Variants in ANK3 observed in about 807,000 individuals in gnomAD.
ANK3 encodes the protein ankyrin 3, also known as ankyrin-3.
In ANK3, 57 loss-of-function variants were observed where a neutral mutation model predicts 370.9. The observed-to-expected ratio is 0.15, with a 90% CI of 0.12 to 0.19. The LOEUF is 0.19. ANK3 is among the 10% of genes least tolerant of loss of function. The probability of loss-of-function intolerance (pLI) is 1.00; values close to 1 mark genes in which losing one functional copy is unlikely to be tolerated. For synonymous variants in ANK3, 1,929 were observed against 1,946.3 expected (o/e 0.99, Z 0.23); for missense variants, 4,439 against 5,302.1 (o/e 0.84, Z 5.06).
chr10:60,083,384 A>T, intron 33 of ANK3, 108 bp downstream of exon 33: 1 of 1,227,512 alleles, frequency 8.1e-7, no homozygotes, highest in Non-Finnish European at 1.1e-6. Context: ...ATGAGTTCAG[A>T]TTTGACGGGG....
At chr10:60,507,677 A>C (rs2075975470) in intron 2 of ANK3, 1 of 152,068 alleles carries the variant, frequency 6.6e-6, no homozygotes, top group African/African-American at 2.4e-5. Context: ...AATGTAAAGA[A>C]ATAGCCAACT....
In ANK3 at chr10:60,732,903, G is replaced by A. The variant is rs576181561; in HGVS notation, c.57+360C>T. Among the ~76,000 whole-genome samples the A allele has an allele frequency of 2.5e-3, 387 of 151,960 alleles. 2 individuals are homozygous for A. The highest frequency in any genetic ancestry group is 8.8e-3 in the African/African-American group (366 of 41,448). On this transcript the variant is annotated intron_variant, in intron 1 of 43. Coordinates refer to the ANK3 transcript ENST00000373827. Reference sequence around the variant, plus strand: ...GCCAAGAGCAGAGAAGCCCCAAGACGAGAGACCGAGGTGAGGGCGTCCTGA... The same window carrying A: ...GCCAAGAGCAGAGAAGCCCCAAGACAAGAGACCGAGGTGAGGGCGTCCTGA...
At chr10:60,495,777 G>A (rs1433691263) in intron 2 of ANK3, among the ~76,000 whole-genome samples, 4 of 151,908 alleles carry the variant, frequency 2.6e-5, no homozygotes, top group Non-Finnish European at 5.9e-5. Flanking sequence ...ATATTAAGTG[G>A]GGCAAAGAGA....
intron 29 of ANK3, among the ~76,000 whole-genome samples, chr10:60,087,167 A>T (rs990555403): frequency 6.6e-6 from 1 of 152,166 alleles, no homozygotes; most frequent in African/African-American, 2.4e-5. Context: ...ACGGCATAGA[A>T]GTTTCTTAGT....
intron 7 of ANK3, among the ~76,000 whole-genome samples, chr10:60,243,744 T>C (rs527750209): frequency 2.0e-5 from 3 of 152,220 alleles, no homozygotes; most frequent in Non-Finnish European, 2.9e-5. Context: ...ATGAAATGAC[T>C]GCATCTCACA....
chr10:60,115,947 T>G (rs2093048195), intron 25 of ANK3, among the ~76,000 whole-genome samples: 1 of 152,142 alleles, frequency 6.6e-6, no homozygotes, highest in East Asian at 1.9e-4. Context: ...TGCTGCCTAC[T>G]GAAACCTCAG....
intron 1 of ANK3, among the ~76,000 whole-genome samples, chr10:60,678,366 C>G (rs1483933737): frequency 6.6e-6 from 1 of 151,870 alleles, no homozygotes; most frequent in African/African-American, 2.4e-5. Context: ...ATTTAGTGGG[C>G]AAGGTTTCAA....
intron 29 of ANK3, among the ~76,000 whole-genome samples, chr10:60,087,314 C>T (rs1382929292): frequency 1.3e-5 from 2 of 152,172 alleles, no homozygotes; most frequent in Non-Finnish European, 2.9e-5. Context: ...AAAATGCATT[C>T]AAAATTTCAA....
chr10:60,432,622 A>G (rs1458577702), intron 2 of ANK3, among the ~76,000 whole-genome samples: 5 of 152,230 alleles, frequency 3.3e-5, no homozygotes, highest in Non-Finnish European at 7.3e-5. Flanking sequence ...ATGACAAAAT[A>G]ATAAAAAGGG....
At chr10:60,243,759 T>C (rs769592089) in intron 7 of ANK3, among the ~76,000 whole-genome samples, 2 of 152,220 alleles carry the variant, frequency 1.3e-5, no homozygotes, top group Non-Finnish European at 2.9e-5. Flanking sequence ...CTCACAAGGA[T>C]ATTATGAAAT....
At chr10:60,307,854 C>T (rs569606829) in intron 1 of ANK3, among the ~76,000 whole-genome samples, 61 of 152,300 alleles carry the variant, frequency 4.0e-4, no homozygotes, top group Non-Finnish European at 7.4e-5. Flanking sequence ...ACACATGAAA[C>T]GCTGAGCCCC....
intron 1 of ANK3, among the ~76,000 whole-genome samples, chr10:60,639,938 G>A (rs2078607236): frequency 1.3e-5 from 2 of 151,788 alleles, no homozygotes. Flanking sequence ...AAAAAAATAA[G>A]ACTCACCTAT....
intron 23 of ANK3, 120 bp from the exon 24 acceptor site, chr10:60,139,207 A>C: frequency 2.5e-6 from 3 of 1,192,034 alleles, no homozygotes; most frequent in Non-Finnish European, 3.5e-6. Flanking sequence ...ACCTTCCCCT[A>C]TCACCTGGAT....
upstream of ANK3, among the ~76,000 whole-genome samples, chr10:60,391,806 C>G (rs151106633): frequency 6.6e-6 from 1 of 152,320 alleles, no homozygotes; most frequent in East Asian, 1.9e-4. Context: ...ATACTTCTCT[C>G]TAGAATAACT....
At chr10:60,692,148 T>C (rs1397378392) in intron 1 of ANK3, among the ~76,000 whole-genome samples, 2 of 152,236 alleles carry the variant, frequency 1.3e-5, no homozygotes, top group Non-Finnish European at 2.9e-5. Context: ...GGGATTTTGT[T>C]GTTTGAGTGA....
chr10:60,649,064 C>G (rs1425882246), intron 1 of ANK3, among the ~76,000 whole-genome samples: 1 of 152,104 alleles, frequency 6.6e-6, no homozygotes, highest in African/African-American at 2.4e-5. Flanking sequence ...TAGGAACTGG[C>G]CATTCCTGGC....
At chr10:60,052,581 A>G (rs2078286198) in intron 42 of ANK3, among the ~76,000 whole-genome samples, 1 of 152,188 alleles carries the variant, frequency 6.6e-6, no homozygotes, top group South Asian at 2.1e-4. Flanking sequence ...TTTTTAGGCA[A>G]TAAAGGTGGG....
intron 2 of ANK3, among the ~76,000 whole-genome samples, chr10:60,522,074 T>G (rs2076361116): frequency 6.6e-6 from 1 of 152,008 alleles, no homozygotes; most frequent in South Asian, 2.1e-4. Context: ...AAATGTCAGC[T>G]CCAAGGGATT....
At chr10:60,398,322 T>C (rs2063285192) in intron 2 of ANK3, among the ~76,000 whole-genome samples, 1 of 152,214 alleles carries the variant, frequency 6.6e-6, no homozygotes, top group Non-Finnish European at 1.5e-5. Flanking sequence ...GTTTGCTGAC[T>C]GCTCTTCTGA....
Sources: allele counts gnomAD v4.1 joint callset (sites outside exome capture counted in the v4.1 genomes callset), GRCh38; gene constraint gnomAD v4.1.1; transcripts MANE v1.5; gene names NCBI Gene and HGNC (gene_info 2026-07-23, HGNC 2026-07-21).